Variants in FBXL4 observed in about 807,000 individuals in gnomAD.
FBXL4 encodes the protein F-box and leucine rich repeat protein 4.
Under a neutral mutation model 58.9 loss-of-function variants are expected in FBXL4, and 40 were observed. The ratio of observed to expected loss-of-function variants is 0.68; its 90% CI spans 0.53 to 0.88. FBXL4 has a LOEUF of 0.88. Ranked by LOEUF, FBXL4 falls within the 40% of genes least tolerant of loss-of-function variation. FBXL4 has a pLI of 0.00. For synonymous variants in FBXL4, 263 were observed against 265.5 expected (o/e 0.99, Z 0.09); for missense variants, 676 against 734.4 (o/e 0.92, Z 0.92).
At chr6:98,881,010 G>A (rs577702017) in intron 7 of FBXL4, among the ~76,000 whole-genome samples, 15 of 152,138 alleles carry the variant, frequency 9.9e-5, no homozygotes, top group African/African-American at 3.4e-4. Context: ...CAAAAAACCC[G>A]CAGCAGGCTG....
intron 5 of FBXL4, among the ~76,000 whole-genome samples, chr6:98,906,205 T>C (rs1005997628): frequency 5.9e-5 from 9 of 151,546 alleles, no homozygotes; most frequent in Non-Finnish European, 1.2e-4. Flanking sequence ...TTTTAAGTTC[T>C]GGGGTACATG....
chr6:98,942,731 G>T (rs937331645), intron 1 of FBXL4, among the ~76,000 whole-genome samples: 1 of 151,950 alleles, frequency 6.6e-6, no homozygotes, highest in African/African-American at 2.4e-5. Flanking sequence ...TTTCTTTATA[G>T]CAATGTGGGA....
intron 1 of FBXL4, among the ~76,000 whole-genome samples, chr6:98,946,790 A>G (rs1773635192): frequency 6.6e-6 from 1 of 152,236 alleles, no homozygotes; most frequent in South Asian, 2.1e-4. Flanking sequence ...CTACTAAAGC[A>G]TAATGCACAT....
intron 6 of FBXL4, among the ~76,000 whole-genome samples, chr6:98,900,140 C>T (rs560813344): frequency 5.9e-5 from 9 of 152,246 alleles, no homozygotes; most frequent in African/African-American, 2.2e-4. Context: ...GTAGTTACCA[C>T]AATATTTATG....
At chr6:98,894,199 C>A (rs560026035) in intron 7 of FBXL4, among the ~76,000 whole-genome samples, 1 of 152,100 alleles carries the variant, frequency 6.6e-6, no homozygotes, top group African/African-American at 2.4e-5. Flanking sequence ...TCTACTTTCA[C>A]GAAAATACAT....
rs1770421010 is a variant in FBXL4 at position 98,868,843 on chromosome 6, T to A, written c.*5435A>T. ...ATTTTAGCAGGACTACCTTTTTCCT[T>A]TCAAAATGTAGTCAAATATACCTTT... On this transcript the variant is annotated 3_prime_UTR_variant, in exon 10 of 10. Transcript: ENST00000369244. 1 of 152,196 alleles carries A rather than the reference T, an allele frequency of 6.6e-6. No individual in the cohort carries two copies. The highest frequency in any genetic ancestry group is 1.5e-5 in the Non-Finnish European group (1 of 68,044). The allele number at this position is 152,196 out of a possible 1,614,324, so 9.4% of individuals were successfully genotyped here.
Position 98,899,500 on chromosome 6 carries a change from A to G in FBXL4, c.1104-19T>C, listed in dbSNP as rs765527736. On this transcript the variant is annotated intron_variant, in intron 6 of 9. Coordinates refer to ENST00000369244, the MANE Select transcript of FBXL4 (RefSeq NM_001278716.2). The stretch of plus-strand genomic sequence containing the variant: ...CAGAAACCTGCCAAAACAACATTCT[A>G]TGTGAATTTTATAAAACTAAAAGAT... 7.5e-6 allele frequency: 12 copies of G among 1,601,518 alleles called. No homozygotes were observed. In the East Asian group the frequency reaches 2.2e-4, roughly 30 times the overall value.
rs2128409845 is a variant in FBXL4 at position 98,934,895 on chromosome 6, A to T, written c.-308-16T>A. ...GAAGAAAAATCTAAAAGCAGAGCAA[A>T]AATCTCAAAAACCAGAGGTAAACAG... On this transcript the variant is annotated splice_polypyrimidine_tract_variant and intron_variant, in intron 1 of 9. Transcript: ENST00000369244. The T allele has an allele frequency of 6.6e-6, 1 of 152,344 alleles. No homozygotes were observed. The highest frequency in any genetic ancestry group is 2.1e-4 in the South Asian group (1 of 4,830). 9.4% of individuals were successfully genotyped at this position (152,344 alleles called of 1,614,324 possible).
Position 98,874,405 on chromosome 6 carries a change from A to T in FBXL4, c.1739T>A (p.Leu580His). The T allele has an allele frequency of 6.2e-7, 1 of 1,610,944 alleles. No individual in the cohort carries two copies. Among genetic ancestry groups the T allele is most frequent in the Non-Finnish European group, 8.5e-7 (1 of 1,179,208 alleles). Residue 580 changes from leucine to histidine, a missense_variant, in exon 10 of 10, where the codon CTC becomes CAC. Transcript: ENST00000369244. ...AGAAAGATCTTTACAAGATTCCAGGAGTTTTCTTAAGGATGCCGGACTTAC... is the reference window on the plus strand; with the variant it reads ...AGAAAGATCTTTACAAGATTCCAGGTGTTTTCTTAAGGATGCCGGACTTAC... ...RMVSPASLRK[L>H]LESCKDLSLL... is the part of the protein sequence containing the mutation.
At chr6:98,882,582 G>T (rs1212794936) in intron 7 of FBXL4, among the ~76,000 whole-genome samples, 1 of 150,982 alleles carries the variant, frequency 6.6e-6, no homozygotes, top group Admixed American at 6.6e-5. Flanking sequence ...ACAAGTGTAG[G>T]GTCCAAAAGA....
chr6:98,911,318 G>A (rs918939229), intron 5 of FBXL4, among the ~76,000 whole-genome samples: 15 of 152,300 alleles, frequency 9.8e-5, no homozygotes, highest in African/African-American at 3.4e-4. Context: ...ACACCTTTGA[G>A]GAGAGCAGTG....
At chr6:98,909,689 C>T (rs1318706021) in intron 5 of FBXL4, among the ~76,000 whole-genome samples, 1 of 152,218 alleles carries the variant, frequency 6.6e-6, no homozygotes, top group African/African-American at 2.4e-5. Context: ...AACAGACCCA[C>T]CGCAGAGCCC....
intron 6 of FBXL4, among the ~76,000 whole-genome samples, chr6:98,902,308 A>G (rs1771644408): frequency 6.6e-6 from 1 of 152,164 alleles, no homozygotes; most frequent in African/African-American, 2.4e-5. Context: ...ACATTATTTA[A>G]TATAGCTGAT....
chr6:98,890,916 T>C (rs1234228425), intron 7 of FBXL4, among the ~76,000 whole-genome samples: 1 of 151,848 alleles, frequency 6.6e-6, no homozygotes, highest in South Asian at 2.1e-4. Context: ...GAGACTCCAT[T>C]TCAAAAACAA....
chr6:98,879,850 G>T (rs1373762281), intron 8 of FBXL4, among the ~76,000 whole-genome samples: 1 of 150,134 alleles, frequency 6.7e-6, no homozygotes, highest in African/African-American at 2.5e-5. Flanking sequence ...GGTTGAGGCA[G>T]GAGAATTGCT....
intron 6 of FBXL4, among the ~76,000 whole-genome samples, chr6:98,903,163 T>G (rs1035543747): frequency 1.3e-5 from 2 of 152,152 alleles, no homozygotes; most frequent in Non-Finnish European, 2.9e-5. Context: ...TAAGTCTTCT[T>G]CATAGTACTG....
intron 6 of FBXL4, among the ~76,000 whole-genome samples, chr6:98,900,753 T>C (rs1771577699): frequency 1.3e-5 from 2 of 152,202 alleles, no homozygotes; most frequent in Non-Finnish European, 2.9e-5. Context: ...ATATTGTAAA[T>C]AACCCAGTAG....
In FBXL4 at chr6:98,922,117, G is replaced by T. The variant is rs531932659; in HGVS notation, c.512+4360C>A. 5.3e-5 allele frequency among the ~76,000 whole-genome samples: 8 copies of T among 152,210 alleles called. No individual in the cohort carries two copies. In the South Asian group the frequency reaches 1.7e-3, roughly 32 times the overall value. ...TAATTTTTGTGTTTTTAGTAGAGACGGGGTTTCACCATGTTGGCCAGGCTG... is the reference window on the plus strand; with the variant it reads ...TAATTTTTGTGTTTTTAGTAGAGACTGGGTTTCACCATGTTGGCCAGGCTG... On this transcript the variant is annotated intron_variant, in intron 4 of 9. Coordinates refer to ENST00000369244, the MANE Select transcript of FBXL4 (RefSeq NM_001278716.2).
rs1213607850 is a variant in FBXL4 at position 98,900,167 on chromosome 6, T to TG, written c.1104-687dup. Among the ~76,000 whole-genome samples, 12 of 152,190 alleles carry TG rather than the reference T, an allele frequency of 7.9e-5. No individual in the cohort carries two copies. In the East Asian group the frequency reaches 2.3e-3, roughly 29 times the overall value. On this transcript the variant is annotated intron_variant, in intron 6 of 9. Transcript: ENST00000369244. ...ATATTTATGTCAGTTATGTTATAGT[T>TG]GGGGGAAAAATAGTCCTGTCTATGA... is the stretch of plus-strand genomic sequence containing the variant.
Sources: gnomAD v4.1 joint callset for allele counts (sites outside exome capture counted in the v4.1 genomes callset) on GRCh38, gnomAD v4.1.1 for gene constraint, MANE v1.5 for transcripts, NCBI Gene and HGNC (gene_info 2026-07-23, HGNC 2026-07-21) for gene names.